COL24A1: variants seen among roughly 807,000 people sequenced by gnomAD.
COL24A1 encodes the protein collagen alpha-1(XXIV) chain.
Under a neutral mutation model 253.9 loss-of-function variants are expected in COL24A1, and 224 were observed. The observed-to-expected ratio is 0.88, with a 90% CI of 0.79 to 0.99. The LOEUF (loss-of-function observed/expected upper bound fraction) is 0.99, where lower values mean the gene tolerates loss of function less well. Ranked by LOEUF, COL24A1 falls within the 50% of genes least tolerant of loss-of-function variation. The pLI is 0.00. For missense variants in COL24A1, 2,131 were observed against 2,068.5 expected (o/e 1.03, Z -0.59); for synonymous variants, 685 against 673.7 (o/e 1.02, Z -0.26).
intron 19 of COL24A1, among the ~76,000 whole-genome samples, chr1:86,004,630 G>T (rs557271752): frequency 6.6e-6 from 1 of 152,252 alleles, no homozygotes; most frequent in Admixed American, 6.5e-5. Context: ...AAAGACCAAG[G>T]GGTGGAAGCA....
At chr1:85,736,659 T>C (rs1664093320) in intron 58 of COL24A1, 1 of 354,786 alleles carries the variant, frequency 2.8e-6, no homozygotes, top group Non-Finnish European at 5.6e-6. Context: ...TTGAATTTTA[T>C]CTGCTGTCTT....
At chr1:86,063,591 T>C (rs1331856356) in intron 8 of COL24A1, 124 bp downstream of exon 8, 1 of 538,280 alleles carries the variant, frequency 1.9e-6, no homozygotes, top group African/African-American at 1.9e-5. Flanking sequence ...TGTCCTGCAC[T>C]AAACAGAGTA....
intron 5 of COL24A1, among the ~76,000 whole-genome samples, chr1:86,102,508 A>G (rs749029602): frequency 3.3e-5 from 5 of 151,752 alleles, no homozygotes; most frequent in Non-Finnish European, 7.4e-5. Flanking sequence ...TCTTTTTGAT[A>G]TGGGTGTTTA....
At chr1:86,121,594 C>T (rs144132000) in intron 3 of COL24A1, among the ~76,000 whole-genome samples, 4 of 151,486 alleles carry the variant, frequency 2.6e-5, no homozygotes, top group African/African-American at 9.7e-5. Flanking sequence ...CATGTCAGAG[C>T]AATAAAAACT....
Position 86,142,522 on chromosome 1 carries a change from C to CAAAA in COL24A1, c.121+3593_121+3596dup, listed in dbSNP as rs554778074. Among the ~76,000 whole-genome samples the CAAAA allele has an allele frequency of 3.9e-4, 45 of 115,414 alleles. 1 individual carries two copies. The East Asian group carries it at 5.1e-3, about 13-fold the overall frequency. 75.7% of individuals were successfully genotyped at this position (115,414 alleles called of 152,430 possible). ...TGGACGACAGAGTGAGACACTGCCTCAAAAAAAAAAACAAAAAACAAAAAA... is the reference window on the plus strand; with the variant it reads ...TGGACGACAGAGTGAGACACTGCCTCAAAAAAAAAAAAAAACAAAAAACAAAAAA... On this transcript the variant is annotated intron_variant, in intron 2 of 59. Transcript: ENST00000370571.
At chr1:85,920,114 A>T (rs1337584038) in intron 24 of COL24A1, among the ~76,000 whole-genome samples, 1 of 152,252 alleles carries the variant, frequency 6.6e-6, no homozygotes, top group Admixed American at 6.5e-5. Flanking sequence ...TGAGTAAAAT[A>T]TACTAAGGAG....
chr1:86,036,663 T>C (rs1328286681), intron 12 of COL24A1, among the ~76,000 whole-genome samples: 1 of 152,170 alleles, frequency 6.6e-6, no homozygotes, highest in Admixed American at 6.6e-5. Context: ...ACTTAATGTT[T>C]GCAGCCACAT....
chr1:86,052,341 T>C (rs1006540336), intron 10 of COL24A1, among the ~76,000 whole-genome samples: 2 of 152,114 alleles, frequency 1.3e-5, no homozygotes, highest in African/African-American at 4.8e-5. Flanking sequence ...TAAATGTTCA[T>C]TAACAGATGA....
At chr1:85,834,471 C>T (rs1378294027) in intron 43 of COL24A1, among the ~76,000 whole-genome samples, 1 of 152,158 alleles carries the variant, frequency 6.6e-6, no homozygotes, top group African/African-American at 2.4e-5. Context: ...TATGGTTTGG[C>T]ACTTACTGAG....
intron 43 of COL24A1, among the ~76,000 whole-genome samples, chr1:85,825,444 T>A (rs1246801589): frequency 6.6e-6 from 1 of 152,178 alleles, no homozygotes; most frequent in African/African-American, 2.4e-5. Context: ...TACCCAGTAA[T>A]GGGATGGCTG....
intron 19 of COL24A1, among the ~76,000 whole-genome samples, chr1:86,013,865 A>C (rs1696763071): frequency 6.6e-6 from 1 of 151,850 alleles, no homozygotes; most frequent in Non-Finnish European, 1.5e-5. Flanking sequence ...CAAACAAAAA[A>C]CCTTATCCAA....
chr1:86,045,704 T>C (rs1699849338), intron 12 of COL24A1: 1 of 301,020 alleles, frequency 3.3e-6, no homozygotes, highest in Non-Finnish European at 6.6e-6. Flanking sequence ...GTTATAACCA[T>C]TATAAGATTA....
In COL24A1 at chr1:86,033,144, A is replaced by C. The variant is rs1001634766; in HGVS notation, c.2004+726T>G. Among the ~76,000 whole-genome samples, 3 of 152,190 alleles carry C rather than the reference A, an allele frequency of 2.0e-5. No individual in the cohort carries two copies. The South Asian group carries it at 6.2e-4, about 31-fold the overall frequency. On this transcript the variant is annotated intron_variant, in intron 13 of 59. Coordinates refer to ENST00000370571, the MANE Select transcript of COL24A1 (RefSeq NM_152890.7). ...CTAATATAGTTTTAATTTGGAAAAG[A>C]GAAGTAAAAAAGAAGAAAAATAAAC...
rs534971792 is a variant in COL24A1, at chr1:85,761,399, T to G, written c.4434A>C (p.Pro1478=). 1 of 1,614,042 alleles carries G rather than the reference T, an allele frequency of 6.2e-7. No homozygotes were observed. The highest frequency in any genetic ancestry group is 1.7e-5 in the Admixed American group (1 of 60,008). Residue 1478 remains proline, a synonymous_variant, in exon 55 of 60, where the codon CCA becomes CCC. Coordinates refer to ENST00000370571, the MANE Select transcript of COL24A1 (RefSeq NM_152890.7). ...AAATCAAACCAAGCAAACTTACTCT[T>G]GGGCCTGGTGCTCCAGGTGGACCCT... is the stretch of plus-strand genomic sequence containing the variant. ...GPPGPPGAPG[P]RKQMDINAAI...
intron 7 of COL24A1, among the ~76,000 whole-genome samples, chr1:86,074,317 C>T (rs972658302): frequency 2.6e-5 from 4 of 152,102 alleles, no homozygotes; most frequent in Admixed American, 2.6e-4. Flanking sequence ...ATCCTAGTCT[C>T]TGGTAAAACA....
chr1:85,997,970 A>AAGATTTAC (rs1483438876), intron 19 of COL24A1, among the ~76,000 whole-genome samples: 2 of 152,142 alleles, frequency 1.3e-5, no homozygotes, highest in Admixed American at 1.3e-4. Context: ...ATGCCAGGAT[A>AAGATTTAC]AGATTTACAG....
intron 47 of COL24A1, among the ~76,000 whole-genome samples, chr1:85,816,483 G>A (rs1265904431): frequency 6.6e-6 from 1 of 152,198 alleles, no homozygotes; most frequent in African/African-American, 2.4e-5. Context: ...TGAACTCAAA[G>A]TACAGCCAGG....
At chr1:86,092,405 T>C (rs866985678) in intron 5 of COL24A1, 85 bp from the exon 6 acceptor site, 3 of 875,364 alleles carry the variant, frequency 3.4e-6, no homozygotes, top group Middle Eastern at 2.6e-4. Context: ...TTACCAGATG[T>C]TATATACATT....
At position 86,059,115 on chromosome 1, in the gene COL24A1, C is replaced by G. The variant is rs755458173; in HGVS notation, c.1806+6G>C. On this transcript the variant is annotated splice_donor_region_variant and intron_variant, in intron 9 of 59. Coordinates refer to ENST00000370571, the MANE Select transcript of COL24A1 (RefSeq NM_152890.7). ...AAAGAGAAAAGTCTAAATATAGTTA[C>G]TGCACCTGCCTGCCAGGGTAACCGG... is the stretch of plus-strand genomic sequence containing the variant. 6.2e-7 allele frequency: 1 copy of G among 1,602,514 alleles called. No individual in the cohort carries two copies. The highest frequency in any genetic ancestry group is 1.7e-5 in the Admixed American group (1 of 59,216).
Sources: allele counts gnomAD v4.1 joint callset (sites outside exome capture counted in the v4.1 genomes callset), GRCh38; gene constraint gnomAD v4.1.1; transcripts MANE v1.5; gene names NCBI Gene and HGNC (gene_info 2026-07-23, HGNC 2026-07-21).